The following PHEX variants were observed in gnomAD, a reference collection of about 807,000 sequenced individuals.
PHEX encodes the protein phosphate-regulating neutral endopeptidase PHEX.
In PHEX, 16 loss-of-function variants were observed where a neutral mutation model predicts 68.0. That is an observed-to-expected ratio of 0.24 (90% CI 0.16 to 0.36). The LOEUF is 0.36. Ranked by LOEUF, PHEX falls within the 10% of genes least tolerant of loss-of-function variation. PHEX has a pLI of 1.00. For missense variants in PHEX, 480 were observed against 575.5 expected (o/e 0.83, Z 1.70); for synonymous variants, 208 against 205.1 (o/e 1.01, Z -0.12).
At chrX:22,223,106 T>C (rs2147176510) in intron 18 of PHEX, among the ~76,000 whole-genome samples, 1 of 112,167 alleles carries the variant, frequency 8.9e-6, no homozygotes, top group Non-Finnish European at 1.9e-5. Context: ...TTAGCACCAA[T>C]CCACTTAACC....
At chrX:22,213,094 C>G in intron 16 of PHEX, 136 bp downstream of exon 16, 1 of 539,296 alleles carries the variant, frequency 1.9e-6, no homozygotes, top group Non-Finnish European at 3.3e-6. Flanking sequence ...CGCCTGTACT[C>G]TTATCATTTT....
At chrX:22,147,854 A>T (rs950374807) in intron 12 of PHEX, among the ~76,000 whole-genome samples, 3 of 111,232 alleles carry the variant, frequency 2.7e-5, no homozygotes, top group Non-Finnish European at 3.8e-5. Flanking sequence ...ATTCCTTTTT[A>T]AAAAATGAAA....
chrX:22,045,949 A>G (rs1168471334), intron 2 of PHEX, among the ~76,000 whole-genome samples: 1 of 112,551 alleles, frequency 8.9e-6, no homozygotes, highest in Admixed American at 9.4e-5. Flanking sequence ...TGACATATGA[A>G]CTTCTGTTTC....
At chrX:22,241,702 ACCCT>A (rs1327357917) in intron 20 of PHEX, among the ~76,000 whole-genome samples, 1 of 111,961 alleles carries the variant, frequency 8.9e-6, no homozygotes, top group African/African-American at 3.2e-5. Flanking sequence ...GGGCACATAC[ACCCT>A]CCCAAGACTA....
intron 6 of PHEX, among the ~76,000 whole-genome samples, chrX:22,091,022 T>C (rs1929859019): frequency 8.9e-6 from 1 of 111,951 alleles, no homozygotes; most frequent in Admixed American, 9.5e-5. Flanking sequence ...AAAGGATCAA[T>C]CAAGTTAGAC....
At chrX:22,066,670 G>T (rs1928618546) in intron 3 of PHEX, among the ~76,000 whole-genome samples, 1 of 111,880 alleles carries the variant, frequency 8.9e-6, no homozygotes, top group Non-Finnish European at 1.9e-5. Context: ...ATCACTCACT[G>T]TCGGAAACCC....
Position 22,179,479 on chromosome X carries a change from CT to C in PHEX, c.1586+1104del, listed in dbSNP as rs1418430198. On this transcript the variant is annotated intron_variant, in intron 14 of 21. Coordinates refer to ENST00000379374, the MANE Select transcript of PHEX (RefSeq NM_000444.6). The stretch of plus-strand genomic sequence containing the variant: ...GTGTAGTCTTTTATTCCTCACCCCC[CT>C]CCCACTCTTTCCCCCTAAGTCTCTA... 2.3e-4 allele frequency among the ~76,000 whole-genome samples: 25 copies of C among 108,954 alleles called. 1 individual carries two copies. Among genetic ancestry groups the C allele is most frequent in the African/African-American group, 8.3e-4 (25 of 30,044 alleles). The allele number at this position is 108,954 out of a possible 115,157, so 94.6% of individuals were successfully genotyped here. A position where few individuals can be genotyped will look rare whatever the true frequency, so the allele number is the denominator to read the frequency against.
intron 2 of PHEX, among the ~76,000 whole-genome samples, chrX:22,045,834 T>G (rs1212607125): frequency 1.8e-5 from 2 of 112,266 alleles, no homozygotes; most frequent in Admixed American, 9.4e-5. Flanking sequence ...AGGATCTCTG[T>G]GAGTCTCTTC....
chrX:22,126,537 A>G (rs1439339241), intron 11 of PHEX, among the ~76,000 whole-genome samples: 2 of 112,118 alleles, frequency 1.8e-5, no homozygotes, highest in African/African-American at 6.5e-5. Context: ...TATGCAAAGT[A>G]CAGAATTCTT....
chrX:22,069,622 A>T (rs1168541147), intron 3 of PHEX, among the ~76,000 whole-genome samples: 1 of 112,256 alleles, frequency 8.9e-6, no homozygotes, highest in Non-Finnish European at 1.9e-5. Context: ...GATGCTAACC[A>T]ACAATTATCA....
At chrX:22,049,998 C>T (rs1927743440) in intron 3 of PHEX, among the ~76,000 whole-genome samples, 1 of 112,891 alleles carries the variant, frequency 8.9e-6, no homozygotes. Context: ...ATCCAGTCCA[C>T]TGCCTGGAAG....
intron 3 of PHEX, among the ~76,000 whole-genome samples, chrX:22,054,377 C>T (rs1255542150): frequency 8.9e-6 from 1 of 111,779 alleles, no homozygotes; most frequent in South Asian, 3.7e-4. Context: ...TCAGGTGATC[C>T]GCCCACCTCA....
At chrX:22,167,360 C>A (rs1933359457) in intron 12 of PHEX, among the ~76,000 whole-genome samples, 1 of 110,761 alleles carries the variant, frequency 9.0e-6, no homozygotes, top group Admixed American at 9.6e-5. Flanking sequence ...GGTAATATCT[C>A]ATTGTGTTTT....
chrX:22,057,151 G>A (rs1928150131), intron 3 of PHEX, among the ~76,000 whole-genome samples: 1 of 111,764 alleles, frequency 8.9e-6, no homozygotes, highest in African/African-American at 3.3e-5. Flanking sequence ...TTTAAATTTA[G>A]CTACAAGAAA....
chrX:22,097,665 G>C (rs1252732801), intron 8 of PHEX: 1 of 546,994 alleles, frequency 1.8e-6, no homozygotes, highest in Non-Finnish European at 2.2e-6. Flanking sequence ...AGGAAGAAAA[G>C]GTTGGGAAAA....
intron 16 of PHEX, 152 bp from the exon 17 acceptor site, chrX:22,218,884 A>T: frequency 2.2e-6 from 1 of 447,739 alleles, no homozygotes; most frequent in South Asian, 3.5e-5. Flanking sequence ...GTATGTTTAG[A>T]TTTTTTACAG....
At chrX:22,216,247 T>C (rs1935082868) in intron 16 of PHEX, among the ~76,000 whole-genome samples, 2 of 111,925 alleles carry the variant, frequency 1.8e-5, no homozygotes, top group African/African-American at 6.5e-5. Flanking sequence ...CAGCCCTTAC[T>C]TGATAACAGT....
chrX:22,167,313 CTT>C (rs2147117599), intron 12 of PHEX, among the ~76,000 whole-genome samples: 1 of 110,730 alleles, frequency 9.0e-6, no homozygotes, highest in East Asian at 2.8e-4. Flanking sequence ...CTTGTTATCT[CTT>C]GTCTTGTTGA....
At position 22,248,199 on chromosome X, in the gene PHEX, G is replaced by T; in HGVS notation, c.*246G>T. 2.5e-6 allele frequency: 1 copy of T among 392,810 alleles called. No individual in the cohort carries two copies. The highest frequency in any genetic ancestry group is 4.5e-6 in the Non-Finnish European group (1 of 224,107). 32.4% of individuals were successfully genotyped at this position (392,810 alleles called of 1,213,427 possible). A position where few individuals can be genotyped will look rare whatever the true frequency, so the allele number is the denominator to read the frequency against. On this transcript the variant is annotated 3_prime_UTR_variant, in exon 22 of 22. Coordinates refer to ENST00000379374, the MANE Select transcript of PHEX (RefSeq NM_000444.6). Reference sequence around the variant, plus strand: ...TCAAACCAACAAAAATAAATCCCTAGGCTACTTTTGTTAAAATGCTATCTG... The same window carrying T: ...TCAAACCAACAAAAATAAATCCCTATGCTACTTTTGTTAAAATGCTATCTG...
Sources: allele counts gnomAD v4.1 joint callset (sites outside exome capture counted in the v4.1 genomes callset), GRCh38; gene constraint gnomAD v4.1.1; transcripts MANE v1.5; gene names NCBI Gene and HGNC (gene_info 2026-07-23, HGNC 2026-07-21).